The following CEP68 variants were observed in gnomAD, a reference collection of about 807,000 sequenced individuals.
CEP68 encodes the protein centrosomal protein of 68 kDa.
A neutral mutation model predicts 55.3 loss-of-function variants in CEP68; 26 were observed. The ratio of observed to expected loss-of-function variants is 0.47; its 90% CI spans 0.34 to 0.65. The LOEUF is 0.65. Ranked by LOEUF, CEP68 falls within the 30% of genes least tolerant of loss-of-function variation. The pLI is 0.01. For synonymous variants in CEP68, 402 were observed against 383.2 expected (o/e 1.05, Z -0.57); for missense variants, 957 against 946.7 (o/e 1.01, Z -0.14).
chr2:65,072,890 C>T lies in CEP68; in HGVS notation c.1794C>T (p.Asp598=). The T allele has an allele frequency of 6.2e-7, 1 of 1,614,172 alleles. No homozygotes were observed. The highest frequency in any genetic ancestry group is 8.5e-7 in the Non-Finnish European group (1 of 1,180,036). The change falls in exon 3 of 7, where the codon GAC becomes GAT. Residue 598 remains aspartate (D), a synonymous_variant. Transcript: ENST00000377990. ...KTRPSLPARL[D]RWPFSDPDVE... is the part of the protein sequence containing the mutation. ...GCCCCTCCTTGCCAGCTAGGTTGGA[C>T]CGGTGGCCATTCTCAGACCCAGATG...
chr2:65,060,299 G>A (rs1383831786), intron 1 of CEP68, among the ~76,000 whole-genome samples: 19 of 152,192 alleles, frequency 1.2e-4, no homozygotes, highest in Admixed American at 1.2e-3. Flanking sequence ...AGCTGTTTCT[G>A]TTATTGAGGC....
chr2:65,084,093 A>AT lies in CEP68; in HGVS notation c.*462dup, dbSNP rs1001377159. 1 of 152,206 alleles carries AT rather than the reference A, an allele frequency of 6.6e-6. No homozygotes were observed. Among genetic ancestry groups the AT allele is most frequent in the African/African-American group, 2.4e-5 (1 of 41,452 alleles). 9.4% of individuals were successfully genotyped at this position (152,206 alleles called of 1,614,324 possible). On this transcript the variant is annotated 3_prime_UTR_variant, in exon 7 of 7. Transcript: ENST00000377990. Reference sequence around the variant, plus strand: ...ACCTTGGGTCTTTTCATAAAAGGAAATTTGGGCTTGTCAATCCCTCTTTAA... The same window carrying AT: ...ACCTTGGGTCTTTTCATAAAAGGAAATTTTGGGCTTGTCAATCCCTCTTTAA...
chr2:65,060,378 C>A (rs1252864247), intron 1 of CEP68, among the ~76,000 whole-genome samples: 4 of 152,254 alleles, frequency 2.6e-5, no homozygotes, highest in Non-Finnish European at 2.9e-5. Context: ...TTAATAGTAT[C>A]TCTTGAGAGC....
At chr2:65,060,903 G>A (rs1309652926) in intron 1 of CEP68, among the ~76,000 whole-genome samples, 3 of 151,954 alleles carry the variant, frequency 2.0e-5, no homozygotes, top group African/African-American at 7.3e-5. Context: ...TAGGTTGGGC[G>A]CAGTGGCTCA....
rs1023983506 is a variant in CEP68 at position 65,083,939 on chromosome 2, A to T, written c.*305A>T. 6.6e-6 allele frequency: 1 copy of T among 152,236 alleles called. No homozygotes were observed. Among genetic ancestry groups the T allele is most frequent in the Non-Finnish European group, 1.5e-5 (1 of 68,034 alleles). 9.4% of individuals were successfully genotyped at this position (152,236 alleles called of 1,614,324 possible). ...CCCCTCTATCCCATTAAAAAAGAGC[A>T]GATAAAGCTCAAACTATTCCACCTG... On this transcript the variant is annotated 3_prime_UTR_variant, in exon 7 of 7. Coordinates refer to ENST00000377990, the MANE Select transcript of CEP68 (RefSeq NM_015147.3).
Position 65,072,148 on chromosome 2 carries a change from CTAA to C in CEP68, c.1054_1056del (p.Asn352del), listed in dbSNP as rs754792218. The C allele has an allele frequency of 1.2e-6, 2 of 1,614,076 alleles. No homozygotes were observed. The highest frequency in any genetic ancestry group is 1.7e-6 in the Non-Finnish European group (2 of 1,180,008). On this transcript the variant is annotated inframe_deletion, in exon 3 of 7. Coordinates refer to ENST00000377990, the MANE Select transcript of CEP68 (RefSeq NM_015147.3). ...CCAGCAAGCACCCTCAAATCACCTA[CTAA>C]TGTCTCCCCCAACTGCCCACCAGCA...
intron 4 of CEP68, among the ~76,000 whole-genome samples, chr2:65,077,406 GGTAGTT>G (rs1433163210): frequency 6.6e-6 from 1 of 152,220 alleles, no homozygotes; most frequent in Admixed American, 6.5e-5. Context: ...CAGATGTTGA[GGTAGTT>G]ACCCCTGTGG....
rs370975482 is a variant in CEP68, at chr2:65,080,322, CATCT to C, written c.2105-2213_2105-2210del. 3.4e-4 allele frequency: 338 copies of C among 985,206 alleles called. 2 individuals are homozygous for C. Among genetic ancestry groups the C allele is most frequent in the Middle Eastern group, 3.1e-3 (6 of 1,914 alleles). The allele number at this position is 985,206 out of a possible 1,614,324, so 61.0% of individuals were successfully genotyped here. On this transcript the variant is annotated intron_variant, in intron 5 of 6. Transcript: ENST00000377990. ...GATTGACACACAGCCCTTCCCCATC[CATCT>C]GCTTGAAATAATCAGGAATGTGGCT... is the stretch of plus-strand genomic sequence containing the variant.
At chr2:65,063,648 A>G (rs1676016358) in intron 1 of CEP68, among the ~76,000 whole-genome samples, 1 of 152,200 alleles carries the variant, frequency 6.6e-6, no homozygotes, top group African/African-American at 2.4e-5. Context: ...TGATGTGTAA[A>G]ATCTCGGATC....
In CEP68 at chr2:65,086,765, A is replaced by C. The variant is rs1217318368; in HGVS notation, c.*3131A>C. The C allele has an allele frequency of 6.6e-6, 1 of 152,666 alleles. No homozygotes were observed. Among genetic ancestry groups the C allele is most frequent in the Non-Finnish European group, 1.5e-5 (1 of 68,036 alleles). The allele number at this position is 152,666 out of a possible 1,614,324, so 9.5% of individuals were successfully genotyped here. On this transcript the variant is annotated 3_prime_UTR_variant, in exon 7 of 7. Transcript: ENST00000377990. ...AAAAACAAAACTTCTGAAGCATTAAAGATCTTCACCAAAATAACTATTGGT... is the reference window on the plus strand; with the variant it reads ...AAAAACAAAACTTCTGAAGCATTAACGATCTTCACCAAAATAACTATTGGT...
At position 65,071,872 on chromosome 2, in the gene CEP68, C is replaced by T; in HGVS notation, c.776C>T (p.Ala259Val). The change falls in exon 3 of 7, where the codon GCT becomes GTT. Residue 259 changes from alanine to valine, a missense_variant. By Grantham distance (64) the Ala-to-Val change is moderately conservative. Coordinates refer to ENST00000377990, the MANE Select transcript of CEP68 (RefSeq NM_015147.3). Reference protein sequence around the residue: ...SPQPVFSGGDASGLGRRRLSF... With the variant: ...SPQPVFSGGDVSGLGRRRLSF... ...CAGCCTGTGTTCTCTGGGGGTGATG[C>T]TTCTGGGCTAGGCAGGAGACGCCTC... is the stretch of plus-strand genomic sequence containing the variant. The T allele has an allele frequency of 6.2e-7, 1 of 1,609,582 alleles. No homozygotes were observed. The highest frequency in any genetic ancestry group is 8.5e-7 in the Non-Finnish European group (1 of 1,177,760).
intron 1 of CEP68, among the ~76,000 whole-genome samples, chr2:65,066,740 AAAAAAATAT>A (rs1676195259): frequency 1.0e-5 from 1 of 98,200 alleles, no homozygotes; most frequent in Non-Finnish European, 2.0e-5. Context: ...AAAAAAAAAA[AAAAAAATAT>A]ATATATATAT....
At chr2:65,075,283 A>G (rs979685410) in intron 4 of CEP68, 2 of 151,518 alleles carry the variant, frequency 1.3e-5, no homozygotes, top group African/African-American at 2.4e-5. Context: ...ATAAAAAATT[A>G]GCTGAGTGTG....
At position 65,086,244 on chromosome 2, in the gene CEP68, T is replaced by A. The variant is rs1003637395; in HGVS notation, c.*2610T>A. 3 of 152,142 alleles carry A rather than the reference T, an allele frequency of 2.0e-5. No homozygotes were observed. The highest frequency in any genetic ancestry group is 2.9e-5 in the Non-Finnish European group (2 of 68,016). The allele number at this position is 152,142 out of a possible 1,614,324, so 9.4% of individuals were successfully genotyped here. ...ATCATTCTGAAAGGATTTCACAGAG[T>A]GTGCAGCTGCTTAGATTTAAGAACA... On this transcript the variant is annotated 3_prime_UTR_variant, in exon 7 of 7. Transcript: ENST00000377990.
chr2:65,072,804 G>A lies in CEP68; in HGVS notation c.1708G>A (p.Gly570Arg), dbSNP rs1233204168. ...RSFVRAHDSAGEGSLGSSQAL... is the reference protein window; with the variant it reads ...RSFVRAHDSAREGSLGSSQAL... ...CTTCGTCCGTGCCCACGACTCCGCAGGGGAAGGCAGTCTGGGGAGCAGCCA... is the reference window on the plus strand; with the variant it reads ...CTTCGTCCGTGCCCACGACTCCGCAAGGGAAGGCAGTCTGGGGAGCAGCCA... The change falls in exon 3 of 7, where the codon GGG (glycine) becomes AGG (arginine). Residue 570 changes from glycine to arginine, a missense_variant. Gly to Arg is a moderately radical substitution (Grantham distance 125). Coordinates refer to ENST00000377990, the MANE Select transcript of CEP68 (RefSeq NM_015147.3). 1.2e-6 allele frequency: 2 copies of A among 1,614,218 alleles called. No homozygotes were observed. The highest frequency in any genetic ancestry group is 2.7e-5 in the African/African-American group (2 of 75,066).
At chr2:65,075,642 G>A (rs1558566208) in intron 4 of CEP68, among the ~76,000 whole-genome samples, 1 of 152,150 alleles carries the variant, frequency 6.6e-6, no homozygotes, top group African/African-American at 2.4e-5. Context: ...AAATTATATA[G>A]TTGTCATCCC....
At position 65,072,276 on chromosome 2, in the gene CEP68, T is replaced by TG; in HGVS notation, c.1182dup (p.Ser395GlufsTer13). On this transcript the variant is annotated frameshift_variant, in exon 3 of 7. Coordinates refer to ENST00000377990, the MANE Select transcript of CEP68 (RefSeq NM_015147.3). LOFTEE classifies it high-confidence loss of function. ...ACAGGGTGGCATGGGCTTGGCATCTTGGAGCCAACTTGCATCTACCCCCAG... is the reference window on the plus strand; with the variant it reads ...ACAGGGTGGCATGGGCTTGGCATCTTGGGAGCCAACTTGCATCTACCCCCAG... The TG allele has an allele frequency of 6.2e-7, 1 of 1,613,962 alleles. No individual in the cohort carries two copies. The highest frequency in any genetic ancestry group is 8.5e-7 in the Non-Finnish European group (1 of 1,179,978).
At chr2:65,057,094 G>A (rs548523903) in intron 1 of CEP68, among the ~76,000 whole-genome samples, 6 of 152,358 alleles carry the variant, frequency 3.9e-5, no homozygotes, top group African/African-American at 1.4e-4. Flanking sequence ...CTTTCTAACT[G>A]TCATCACTAG....
chr2:65,068,892 T>A (rs972507091), intron 1 of CEP68, among the ~76,000 whole-genome samples: 1 of 152,026 alleles, frequency 6.6e-6, no homozygotes. Context: ...GAGCCAAGCA[T>A]CTTGGAGGGC....
Sources: gnomAD v4.1 joint callset for allele counts (sites outside exome capture counted in the v4.1 genomes callset) on GRCh38, gnomAD v4.1.1 for gene constraint, MANE v1.5 for transcripts, NCBI Gene and HGNC (gene_info 2026-07-23, HGNC 2026-07-21) for gene names.